The following ARHGAP22 variants were observed in gnomAD, a reference collection of about 807,000 sequenced individuals.
ARHGAP22 encodes rho GTPase-activating protein 22.
In ARHGAP22, 48 loss-of-function variants were observed where a neutral mutation model predicts 59.1. The ratio of observed to expected loss-of-function variants is 0.81; its 90% CI spans 0.64 to 1.03. The LOEUF (loss-of-function observed/expected upper bound fraction) is 1.03. Among genes scored for constraint, ARHGAP22 ranks in the 50% least tolerant of loss-of-function variants. ARHGAP22 has a pLI of 0.00. For synonymous variants in ARHGAP22, 445 were observed against 416.4 expected (o/e 1.07, Z -0.84); for missense variants, 1,015 against 958.7 (o/e 1.06, Z -0.78).
chr10:48,619,030 G>C (rs1341186350), intron 1 of ARHGAP22, among the ~76,000 whole-genome samples: 1 of 151,888 alleles, frequency 6.6e-6, no homozygotes, highest in Non-Finnish European at 1.5e-5. Flanking sequence ...GCATACAAAA[G>C]CCTATAGCAT....
At position 48,476,788 on chromosome 10, in the gene ARHGAP22, G is replaced by A. The variant is rs80042175; in HGVS notation, c.451+2848C>T. ...ATTCTGGGCAAGCACAGAGGGAGAT[G>A]GACATGTGGCCGGGGAGCCAGGCCT... On this transcript the variant is annotated intron_variant, in intron 4 of 9. Transcript: ENST00000249601. 5.5e-3 allele frequency among the ~76,000 whole-genome samples: 839 copies of A among 152,310 alleles called. 10 individuals carry two copies. Among genetic ancestry groups the A allele is most frequent in the South Asian group, 0.026 (126 of 4,822 alleles).
intron 9 of ARHGAP22, among the ~76,000 whole-genome samples, chr10:48,448,124 T>G (rs905824442): frequency 3.9e-5 from 6 of 152,124 alleles, no homozygotes; most frequent in African/African-American, 1.4e-4. Flanking sequence ...CTCATCTCAC[T>G]CCACGAAAAA....
chr10:48,632,513 A>T (rs2061662326), intron 1 of ARHGAP22, among the ~76,000 whole-genome samples: 1 of 152,326 alleles, frequency 6.6e-6, no homozygotes, highest in African/African-American at 2.4e-5. Flanking sequence ...TTCTAAAGGA[A>T]AGGTGATCCC....
At chr10:48,647,267 G>A (rs1170155679) in intron 1 of ARHGAP22, among the ~76,000 whole-genome samples, 2 of 152,084 alleles carry the variant, frequency 1.3e-5, no homozygotes, top group East Asian at 1.9e-4. Context: ...GGTGGTGGGT[G>A]CCTGTAATCC....
At chr10:48,489,895 G>A (rs915695654) in intron 3 of ARHGAP22, among the ~76,000 whole-genome samples, 12 of 151,908 alleles carry the variant, frequency 7.9e-5, no homozygotes. Context: ...CATCACGCTC[G>A]GCTAATTTTT....
intron 8 of ARHGAP22, among the ~76,000 whole-genome samples, chr10:48,452,768 G>A (rs2046106705): frequency 2.0e-5 from 3 of 152,210 alleles, no homozygotes; most frequent in South Asian, 2.1e-4. Context: ...AAGTGGGGGC[G>A]ATTACCACAG....
At chr10:48,602,682 G>A (rs1445162) in intron 1 of ARHGAP22, among the ~76,000 whole-genome samples, 9,359 of 152,190 alleles carry the variant, frequency 0.061, 905 homozygotes, top group African/African-American at 0.21. Context: ...CCTGGCATTG[G>A]GGGTATAATG....
downstream of ARHGAP22, chr10:48,445,137 C>T (rs956034422): frequency 1.3e-5 from 2 of 152,374 alleles, no homozygotes; most frequent in African/African-American, 4.8e-5. Flanking sequence ...GGCAGGAAGC[C>T]AGCATTTCCT....
intron 1 of ARHGAP22, among the ~76,000 whole-genome samples, chr10:48,613,718 T>C (rs1009858630): frequency 6.6e-6 from 1 of 151,464 alleles, no homozygotes; most frequent in Non-Finnish European, 1.5e-5. Flanking sequence ...GACCAAACTA[T>C]GAGAACCTCC....
At chr10:48,439,757 A>G in the ARHGAP22 span, among the ~76,000 whole-genome samples, 1 of 152,180 alleles carries the variant, frequency 6.6e-6, no homozygotes, top group South Asian at 2.1e-4. Context: ...CTCTTTGCCT[A>G]CGTTGGGTCT....
At chr10:48,569,334 G>C (rs1037593507) in intron 2 of ARHGAP22, among the ~76,000 whole-genome samples, 3 of 152,186 alleles carry the variant, frequency 2.0e-5, no homozygotes, top group South Asian at 2.1e-4. Context: ...CTTTAGCAAA[G>C]GCCACAGTCC....
chr10:48,432,042 C>G, the ARHGAP22 span, among the ~76,000 whole-genome samples: 1 of 152,150 alleles, frequency 6.6e-6, no homozygotes, highest in African/African-American at 2.4e-5. Flanking sequence ...ACAGTAACTT[C>G]AGAGTGTGTG....
intron 1 of ARHGAP22, among the ~76,000 whole-genome samples, chr10:48,620,733 T>C (rs2061256049): frequency 6.6e-6 from 1 of 152,062 alleles, no homozygotes; most frequent in Admixed American, 6.6e-5. Context: ...CTCACAGAGG[T>C]AGTGAACAAA....
intron 1 of ARHGAP22, among the ~76,000 whole-genome samples, chr10:48,640,918 A>G (rs1309002648): frequency 6.6e-6 from 1 of 152,192 alleles, no homozygotes; most frequent in Non-Finnish European, 1.5e-5. Flanking sequence ...CTTATCATGT[A>G]TAAATAAGGA....
At chr10:48,443,194 C>T (rs78056564), downstream of ARHGAP22, among the ~76,000 whole-genome samples, 1,204 of 152,286 alleles carry the variant, frequency 7.9e-3, 13 homozygotes, top group African/African-American at 0.028. Flanking sequence ...TTGGGTCATT[C>T]GCAGCAGTGT....
At position 48,450,649 on chromosome 10, in the gene ARHGAP22, T is replaced by A; in HGVS notation, c.1480A>T (p.Asn494Tyr). 1 of 1,549,918 alleles carries A rather than the reference T, an allele frequency of 6.5e-7. No homozygotes were observed. The highest frequency in any genetic ancestry group is 8.7e-7 in the Non-Finnish European group (1 of 1,146,958). Reference protein sequence around the residue: ...GSVQRLSTYDNVPAPGLVPGI... With the variant: ...GSVQRLSTYDYVPAPGLVPGI... ...GGGACCAGGCCCGGCGCGGGCACAT[T>A]GTCGTAGGTGGAGAGTCTCTGCACG... The change falls in exon 9 of 10, where the codon AAT becomes TAT. Residue 494 changes from asparagine (N) to tyrosine (Y), a missense_variant. Physicochemically the swap from Asn to Tyr is moderately radical, Grantham distance 143 (BLOSUM62 -2). Transcript: ENST00000249601.
intron 1 of ARHGAP22, among the ~76,000 whole-genome samples, chr10:48,602,714 T>C (rs2060457312): frequency 6.6e-6 from 1 of 152,208 alleles, no homozygotes; most frequent in Non-Finnish European, 1.5e-5. Context: ...CAGAAATGGT[T>C]CCTGCTTTCA....
chr10:48,605,153 C>G (rs114935270), upstream of ARHGAP22: 3,453 of 1,171,990 alleles, frequency 2.9e-3, 87 homozygotes, highest in African/African-American at 0.051. Flanking sequence ...CGGGGCGGGG[C>G]CGAGAGGGGC....
chr10:48,653,520 G>A (rs2062643187), upstream of ARHGAP22, among the ~76,000 whole-genome samples: 3 of 152,278 alleles, frequency 2.0e-5, no homozygotes. Context: ...ACAGCACAGA[G>A]AACGGGGCCA....
Sources: gnomAD v4.1 joint callset for allele counts (sites outside exome capture counted in the v4.1 genomes callset) on GRCh38, gnomAD v4.1.1 for gene constraint, MANE v1.5 for transcripts, NCBI Gene and HGNC (gene_info 2026-07-23, HGNC 2026-07-21) for gene names.